Variants in CSMD2 observed in about 807,000 individuals in gnomAD.
CSMD2 encodes CUB and sushi domain-containing protein 2.
Under a neutral mutation model 398.5 loss-of-function variants are expected in CSMD2, and 130 were observed. The ratio of observed to expected loss-of-function variants is 0.33; its 90% CI spans 0.28 to 0.38. The LOEUF (loss-of-function observed/expected upper bound fraction) is 0.38, where lower values mean the gene tolerates loss of function less well. Among genes scored for constraint, CSMD2 ranks in the 10% least tolerant of loss-of-function variants. The pLI, the probability that CSMD2 is intolerant of heterozygous loss-of-function variation, is 1.00. For missense variants in CSMD2, 3,829 were observed against 4,764.9 expected (o/e 0.80, Z 5.78); for synonymous variants, 1,828 against 1,908.5 (o/e 0.96, Z 1.10).
At chr1:34,053,578 A>G (rs991581698) in intron 2 of CSMD2, among the ~76,000 whole-genome samples, 3 of 152,184 alleles carry the variant, frequency 2.0e-5, no homozygotes, top group South Asian at 2.1e-4. Context: ...ACAAGTCCGC[A>G]TTGCTTCAGA....
chr1:33,884,132 G>C (rs4653357), intron 5 of CSMD2, among the ~76,000 whole-genome samples: 15,259 of 151,960 alleles, frequency 0.1, 1,015 homozygotes, highest in East Asian at 0.24. Flanking sequence ...GATGAGTCTA[G>C]GCTCCCAGGA....
intron 3 of CSMD2, among the ~76,000 whole-genome samples, chr1:33,996,290 C>T (rs568110939): frequency 2.3e-4 from 35 of 152,310 alleles, no homozygotes; most frequent in African/African-American, 6.0e-4. Flanking sequence ...AAATAAAACT[C>T]GGAGAGGGAT....
chr1:33,520,165 T>C (rs1303859757), intron 68 of CSMD2, among the ~76,000 whole-genome samples: 1 of 152,162 alleles, frequency 6.6e-6, no homozygotes. Context: ...GCATCTACCT[T>C]GTGCTGCTCA....
At chr1:33,971,899 G>A (rs368720424) in intron 3 of CSMD2, among the ~76,000 whole-genome samples, 8 of 152,214 alleles carry the variant, frequency 5.3e-5, no homozygotes, top group African/African-American at 1.9e-4. Context: ...GAGAGAGGCA[G>A]CACAACTGAC....
intron 24 of CSMD2, among the ~76,000 whole-genome samples, chr1:33,697,934 T>C (rs1645475421): frequency 6.6e-6 from 1 of 152,210 alleles, no homozygotes; most frequent in Non-Finnish European, 1.5e-5. Context: ...GAGGTTTTGT[T>C]CTTACAAGAT....
At chr1:33,866,218 G>C (rs1029857556) in intron 5 of CSMD2, among the ~76,000 whole-genome samples, 1 of 152,208 alleles carries the variant, frequency 6.6e-6, no homozygotes, top group African/African-American at 2.4e-5. Flanking sequence ...GTCATTTGTG[G>C]AGGATTTTCA....
intron 5 of CSMD2, among the ~76,000 whole-genome samples, chr1:33,891,253 T>C (rs11487440): frequency 0.082 from 11,786 of 144,136 alleles, 1,542 homozygotes; most frequent in African/African-American, 0.28. Flanking sequence ...TGAACAGACA[T>C]TTCTCAAAAG....
intron 5 of CSMD2, among the ~76,000 whole-genome samples, chr1:33,905,177 A>G (rs916119406): frequency 2.0e-5 from 3 of 152,144 alleles, no homozygotes; most frequent in Non-Finnish European, 4.4e-5. Flanking sequence ...AATTTAAATC[A>G]AGAGCCACTG....
At position 33,625,216 on chromosome 1, in the gene CSMD2, G is replaced by A. The variant is rs758299328; in HGVS notation, c.5335C>T (p.Pro1779Ser). 72 of 1,613,352 alleles carry A rather than the reference G, an allele frequency of 4.5e-5. No homozygotes were observed. Among genetic ancestry groups the A allele is most frequent in the South Asian group, 1.2e-4 (11 of 90,930 alleles). Residue 1779 changes from proline (P) to serine (S), a missense_variant, in exon 34 of 71, where the codon CCG (proline) becomes TCG (serine). By Grantham distance (74) the Pro-to-Ser change is moderately conservative. This residue lies in a region of CSMD2 where 2,001 missense variants were observed against 2,567.1 expected (regional missense o/e 0.78). Transcript: ENST00000373381. ...RTSATQCSSVPEPRYGKRLGS... is the reference protein window; with the variant it reads ...RTSATQCSSVSEPRYGKRLGS... Reference sequence around the variant, plus strand: ...AGCCTCTTGCCATAGCGGGGTTCCGGCACAGAGCTGCACTGCGTGGCGCTG... The same window carrying A: ...AGCCTCTTGCCATAGCGGGGTTCCGACACAGAGCTGCACTGCGTGGCGCTG...
intron 25 of CSMD2, among the ~76,000 whole-genome samples, chr1:33,669,569 G>C (rs1356442246): frequency 6.6e-6 from 1 of 152,142 alleles, no homozygotes; most frequent in Admixed American, 6.5e-5. Context: ...TTATTCTCTT[G>C]CTTCAGAGCC....
intron 25 of CSMD2, among the ~76,000 whole-genome samples, chr1:33,665,609 G>A (rs1408092401): frequency 6.6e-6 from 1 of 151,200 alleles, no homozygotes; most frequent in Non-Finnish European, 1.5e-5. Context: ...TTTATTTTTT[G>A]TAGGGATGGG....
intron 2 of CSMD2, among the ~76,000 whole-genome samples, chr1:34,046,964 C>G (rs187430983): frequency 1.4e-3 from 215 of 152,258 alleles, no homozygotes; most frequent in Admixed American, 2.2e-3. Context: ...AACCTCCTAA[C>G]CAGTCTTCCT....
chr1:33,667,859 C>T (rs1201439464), intron 25 of CSMD2, among the ~76,000 whole-genome samples: 2 of 152,112 alleles, frequency 1.3e-5, no homozygotes, highest in African/African-American at 4.8e-5. Flanking sequence ...TAAGCGCCTC[C>T]CATATGCGGG....
intron 5 of CSMD2, among the ~76,000 whole-genome samples, chr1:33,866,799 C>T (rs1021485290): frequency 6.6e-6 from 1 of 152,224 alleles, no homozygotes; most frequent in Non-Finnish European, 1.5e-5. Flanking sequence ...ATGGTGGTCC[C>T]CACCTTAATG....
chr1:33,739,491 G>T (rs987320859), intron 14 of CSMD2, among the ~76,000 whole-genome samples, 157 bp from the exon 15 acceptor site: 1 of 152,184 alleles, frequency 6.6e-6, no homozygotes. Flanking sequence ...CTAGGACCTC[G>T]GCATTAAGCA....
At chr1:33,821,842 C>T (rs931568160) in intron 7 of CSMD2, among the ~76,000 whole-genome samples, 22 of 152,042 alleles carry the variant, frequency 1.4e-4, no homozygotes, top group African/African-American at 4.6e-4. Context: ...GAGGTGGCAT[C>T]GAACATGGAC....
At chr1:34,075,726 C>A (rs1656252183) in intron 2 of CSMD2, among the ~76,000 whole-genome samples, 1 of 152,186 alleles carries the variant, frequency 6.6e-6, no homozygotes, top group South Asian at 2.1e-4. Flanking sequence ...GCTCGTGTCC[C>A]ATTAGAAAAC....
intron 1 of CSMD2, among the ~76,000 whole-genome samples, chr1:34,145,310 A>T (rs1639668385): frequency 6.6e-6 from 1 of 152,236 alleles, no homozygotes; most frequent in African/African-American, 2.4e-5. Flanking sequence ...TCGAGGCCAT[A>T]AGAAGTTGGG....
intron 45 of CSMD2, 93 bp downstream of exon 45, chr1:33,586,995 G>T: frequency 1.1e-6 from 1 of 913,372 alleles, no homozygotes; most frequent in Non-Finnish European, 1.7e-6. Context: ...AGGAGCAGGG[G>T]ATAAGGTCCA....
Sources: gnomAD v4.1 joint callset for allele counts (sites outside exome capture counted in the v4.1 genomes callset) on GRCh38, gnomAD v4.1.1 for gene constraint, gnomAD v4.1.1 regional missense constraint, MANE v1.5 for transcripts, NCBI Gene and HGNC (gene_info 2026-07-23, HGNC 2026-07-21) for gene names.